Variants in DNAH8 observed in about 807,000 individuals in gnomAD.
The protein encoded by DNAH8 is dynein axonemal heavy chain 8.
A neutral mutation model predicts 562.1 loss-of-function variants in DNAH8; 382 were observed. That is an observed-to-expected ratio of 0.68 (90% CI 0.63 to 0.74). DNAH8 has a LOEUF of 0.74. Among genes scored for constraint, DNAH8 ranks in the 30% least tolerant of loss-of-function variants. The pLI is 0.00. For synonymous variants in DNAH8, 1,881 were observed against 1,919.4 expected (o/e 0.98, Z 0.52); for missense variants, 5,203 against 5,620.4 (o/e 0.93, Z 2.37).
Position 38,815,350 on chromosome 6 carries a change from C to T in DNAH8, c.3334-118C>T, listed in dbSNP as rs112496694. The T allele has an allele frequency of 9.8e-3, 6,450 of 660,514 alleles. 308 individuals carry two copies. The highest frequency in any genetic ancestry group is 0.097 in the African/African-American group (5,436 of 55,868). 40.9% of individuals were successfully genotyped at this position (660,514 alleles called of 1,614,324 possible). On this transcript the variant is annotated intron_variant, in intron 25 of 92. Coordinates refer to ENST00000327475, the MANE Select transcript of DNAH8 (RefSeq NM_001206927.2). ...TCCTCTATCATTCTCCCCCTCAAAT[C>T]AGCCTTGCACTGGGCCAGCCGAGGC...
At chr6:38,965,158 AGG>A (rs1762890888) in intron 82 of DNAH8, among the ~76,000 whole-genome samples, 2 of 151,966 alleles carry the variant, frequency 1.3e-5, no homozygotes, top group South Asian at 4.1e-4. Flanking sequence ...TAATATAGAT[AGG>A]TCTACAAACC....
At chr6:39,024,006 G>A (rs1767110521) in intron 91 of DNAH8, among the ~76,000 whole-genome samples, 1 of 152,192 alleles carries the variant, frequency 6.6e-6, no homozygotes, top group Non-Finnish European at 1.5e-5. Context: ...CCCCATTAGG[G>A]AGAAGATAAG....
intron 36 of DNAH8, among the ~76,000 whole-genome samples, chr6:38,846,335 T>C (rs940394461): frequency 2.0e-4 from 30 of 152,342 alleles, no homozygotes; most frequent in Admixed American, 1.3e-3. Flanking sequence ...CCTATGATCT[T>C]GAGTGCAGCT....
intron 15 of DNAH8, among the ~76,000 whole-genome samples, chr6:38,780,387 C>T (rs192800678): frequency 6.6e-6 from 1 of 152,220 alleles, no homozygotes; most frequent in Non-Finnish European, 1.5e-5. Context: ...GACACATGCA[C>T]GCATATGTTC....
In DNAH8 at chr6:38,866,908, A is replaced by G. The variant is rs774916169; in HGVS notation, c.6693+32A>G. The G allele has an allele frequency of 5.1e-5, 70 of 1,369,628 alleles. No homozygotes were observed. In the South Asian group the frequency reaches 5.2e-4, roughly 10 times the overall value. The allele number at this position is 1,369,628 out of a possible 1,614,324, so 84.8% of individuals were successfully genotyped here. On this transcript the variant is annotated intron_variant, in intron 47 of 92. Coordinates refer to ENST00000327475, the MANE Select transcript of DNAH8 (RefSeq NM_001206927.2). ...TTATAGATCTGCTTTCCTCCTAGCA[A>G]TAGTATTTGGTTTTTTTGCTTTGTA...
At chr6:38,836,961 T>G (rs1329286051) in intron 32 of DNAH8, among the ~76,000 whole-genome samples, 1 of 152,220 alleles carries the variant, frequency 6.6e-6, no homozygotes, top group East Asian at 1.9e-4. Flanking sequence ...AACACCATTA[T>G]TTTAATGTAT....
intron 13 of DNAH8, among the ~76,000 whole-genome samples, chr6:38,776,871 A>T (rs147356697): frequency 6.6e-6 from 1 of 152,336 alleles, no homozygotes; most frequent in East Asian, 1.9e-4. Context: ...ACCTACGTTT[A>T]GCCCAAGGGA....
At chr6:38,940,101 G>A (rs990056438) in intron 79 of DNAH8, among the ~76,000 whole-genome samples, 6 of 152,160 alleles carry the variant, frequency 3.9e-5, no homozygotes, top group East Asian at 1.9e-4. Context: ...AGGTGGTGAC[G>A]TGATTGATCA....
chr6:38,762,629 A>G (rs1205422339), intron 11 of DNAH8, among the ~76,000 whole-genome samples: 2 of 152,206 alleles, frequency 1.3e-5, no homozygotes, highest in African/African-American at 2.4e-5. Context: ...AAAAGTTTGT[A>G]TAAAATTAAA....
intron 53 of DNAH8, among the ~76,000 whole-genome samples, chr6:38,880,553 A>G (rs577796330): frequency 3.2e-4 from 49 of 152,342 alleles, no homozygotes; most frequent in African/African-American, 1.2e-3. Context: ...CTGATAAAAA[A>G]AATTTATCCA....
intron 11 of DNAH8, among the ~76,000 whole-genome samples, chr6:38,764,985 C>T (rs1051846215): frequency 6.6e-5 from 10 of 152,122 alleles, no homozygotes; most frequent in Non-Finnish European, 1.3e-4. Context: ...CAGATGCCTG[C>T]CACCATGCCC....
chr6:39,012,364 T>G lies in DNAH8; in HGVS notation c.13521T>G (p.Ser4507Arg). 6.2e-7 allele frequency: 1 copy of G among 1,610,740 alleles called. No individual in the cohort carries two copies. The highest frequency in any genetic ancestry group is 2.2e-5 in the East Asian group (1 of 44,814). Residue 4507 changes from serine (S) to arginine (R), a missense_variant, in exon 90 of 93, where the codon AGT (serine) becomes AGG (arginine). Ser to Arg is a moderately radical substitution (Grantham distance 110). Coordinates refer to ENST00000327475, the MANE Select transcript of DNAH8 (RefSeq NM_001206927.2). ...CCATTGAAGGAACAATCATTATGAG[T>G]GAGGTGAGCTGTTATTACATCAGTA... The part of the protein sequence containing the change: ...KLAIEGTIIM[S>R]ENLRDALDNM...
chr6:38,999,708 C>G (rs1207543933), intron 88 of DNAH8, among the ~76,000 whole-genome samples: 1 of 151,576 alleles, frequency 6.6e-6, no homozygotes. Flanking sequence ...GAGGGGGAAT[C>G]CTGTGAAAAT....
In DNAH8 at chr6:38,917,331, T is replaced by G. The variant is rs1180672703; in HGVS notation, c.10233T>G (p.Phe3411Leu). ...TCATGGACTGTGTTCTGTTACTATT[T>G]CAAAAGAAAATTGACCCTGTTACTA... ...MRIMDCVLLL[F>L]QKKIDPVTMD... Residue 3411 changes from phenylalanine (F) to leucine (L), a missense_variant, in exon 69 of 93, where the codon TTT (phenylalanine) becomes TTG (leucine). Phe to Leu is a conservative substitution (Grantham distance 22). Coordinates refer to ENST00000327475, the MANE Select transcript of DNAH8 (RefSeq NM_001206927.2). The G allele has an allele frequency of 6.2e-7, 1 of 1,613,592 alleles. No homozygotes were observed. Among genetic ancestry groups the G allele is most frequent in the African/African-American group, 1.3e-5 (1 of 74,900 alleles).
Position 38,826,385 on chromosome 6 carries a change from A to G in DNAH8, c.4077A>G (p.Pro1359=), listed in dbSNP as rs971441111. 2.5e-6 allele frequency: 4 copies of G among 1,581,818 alleles called. No individual in the cohort carries two copies. Among genetic ancestry groups the G allele is most frequent in the African/African-American group, 2.7e-5 (2 of 72,938 alleles). ...NEIQMDMTLG[P]IEEAYAILNR... is the part of the protein sequence containing the mutation. ...TTCAAATGGACATGACTTTGGGACC[A>G]ATTGAAGTAAGAAATGATTGCATTT... The change falls in exon 29 of 93, where the codon CCA becomes CCG. Residue 1359 remains proline, a synonymous_variant. Transcript: ENST00000327475.
intron 79 of DNAH8, among the ~76,000 whole-genome samples, chr6:38,944,564 T>C (rs1234674263): frequency 1.3e-5 from 2 of 152,242 alleles, no homozygotes; most frequent in African/African-American, 2.4e-5. Context: ...ATTATTATGA[T>C]ACATTACTAA....
intron 53 of DNAH8, among the ~76,000 whole-genome samples, chr6:38,881,705 C>T (rs1289793375): frequency 1.3e-5 from 2 of 152,010 alleles, no homozygotes; most frequent in East Asian, 3.9e-4. Context: ...GCATGCACCA[C>T]CAGGCCTGGC....
intron 86 of DNAH8, among the ~76,000 whole-genome samples, chr6:38,983,804 T>C (rs775266674): frequency 4.6e-5 from 7 of 152,170 alleles, no homozygotes; most frequent in Admixed American, 1.3e-4. Flanking sequence ...TTCCAGAAAA[T>C]ACATTACTAA....
chr6:38,916,177 T>C (rs897004892), intron 68 of DNAH8, among the ~76,000 whole-genome samples: 1 of 152,088 alleles, frequency 6.6e-6, no homozygotes, highest in Non-Finnish European at 1.5e-5. Context: ...TTCAACTTTA[T>C]CTCTTGTCAT....
Sources: allele counts gnomAD v4.1 joint callset (sites outside exome capture counted in the v4.1 genomes callset), GRCh38; gene constraint gnomAD v4.1.1; transcripts MANE v1.5; gene names NCBI Gene and HGNC (gene_info 2026-07-23, HGNC 2026-07-21).